The following SLC5A1 variants were observed in gnomAD, a reference collection of about 807,000 sequenced individuals.
SLC5A1 encodes the protein sodium/glucose cotransporter 1.
In SLC5A1, 42 loss-of-function variants were observed where a neutral mutation model predicts 73.5. The observed-to-expected ratio is 0.57, with a 90% CI of 0.45 to 0.74. The LOEUF (loss-of-function observed/expected upper bound fraction) is 0.74. SLC5A1 is among the 30% of genes least tolerant of loss of function. The pLI is 0.00. For missense variants in SLC5A1, 634 were observed against 855.4 expected (o/e 0.74, Z 3.23); for synonymous variants, 300 against 317.4 (o/e 0.95, Z 0.58).
chr22:32,109,119 A>G (rs1192617093), intron 14 of SLC5A1, among the ~76,000 whole-genome samples: 1 of 152,100 alleles, frequency 6.6e-6, no homozygotes. Context: ...GGCTGCAGTG[A>G]GCTATGATTA....
At chr22:32,102,276 T>C in intron 13 of SLC5A1, 39 bp downstream of exon 13, 1 of 1,446,446 alleles carries the variant, frequency 6.9e-7, no homozygotes, top group Non-Finnish European at 9.7e-7. Context: ...TGTTTCATGT[T>C]CACACTGCAA....
chr22:32,100,487 T>A (rs1453306053), intron 12 of SLC5A1, among the ~76,000 whole-genome samples: 1 of 152,232 alleles, frequency 6.6e-6, no homozygotes, highest in Non-Finnish European at 1.5e-5. Flanking sequence ...TAGCTTATAA[T>A]CTTTATTGTT....
rs1243518147 is a variant in SLC5A1 at position 32,110,486 on chromosome 22, A to G, written c.*273A>G. 4.0e-6 allele frequency: 2 copies of G among 505,688 alleles called. No homozygotes were observed. The highest frequency in any genetic ancestry group is 7.2e-6 in the Non-Finnish European group (2 of 277,116). The allele number at this position is 505,688 out of a possible 1,614,324, so 31.3% of individuals were successfully genotyped here. On this transcript the variant is annotated 3_prime_UTR_variant, in exon 15 of 15. Transcript: ENST00000266088. Reference sequence around the variant, plus strand: ...TCCAGAAAAAGGCAGACTAAGAATCAGAAGCCATGTGATTGATGTCTGACG... The same window carrying G: ...TCCAGAAAAAGGCAGACTAAGAATCGGAAGCCATGTGATTGATGTCTGACG...
chr22:32,073,883 A>C lies in SLC5A1; in HGVS notation c.477+5283A>C, dbSNP rs555378304. 5.3e-5 allele frequency among the ~76,000 whole-genome samples: 8 copies of C among 152,270 alleles called. No individual in the cohort carries two copies. In the South Asian group the frequency reaches 1.7e-3, roughly 32 times the overall value. The stretch of plus-strand genomic sequence containing the variant: ...CCCCGGGTTGGTTTTTAGTTATAAG[A>C]TGAAAGGCCTGGGCTTTCCCATTTT... On this transcript the variant is annotated intron_variant, in intron 5 of 14. Transcript: ENST00000266088.
chr22:32,099,302 T>C lies in SLC5A1; in HGVS notation c.1400T>C (p.Ile467Thr), dbSNP rs199872460. The C allele has an allele frequency of 1.2e-5, 19 of 1,613,344 alleles. No homozygotes were observed. The highest frequency in any genetic ancestry group is 9.9e-5 in the South Asian group (9 of 91,072). The change falls in exon 12 of 15, where the codon ATT becomes ACT. Residue 467 changes from isoleucine to threonine, a missense_variant. Physicochemically the swap from Ile to Thr is moderately conservative, Grantham distance 89. Around this residue, in one of 3 missense-constraint regions of SLC5A1, gnomAD observed 422 missense variants for 626.1 expected, o/e 0.67. Transcript: ENST00000266088. ...QSITSYLGPP[I>T]AAVFLLAIFW... is the part of the protein sequence containing the mutation. ...ATCACCAGTTACTTGGGACCACCCA[T>C]TGCGGCTGTCTTCCTGCTTGCTATT...
intron 5 of SLC5A1, among the ~76,000 whole-genome samples, chr22:32,075,208 G>A (rs1255739830): frequency 6.6e-6 from 1 of 151,514 alleles, no homozygotes; most frequent in African/African-American, 2.4e-5. Context: ...CACCACATCT[G>A]GCTGGGATTT....
chr22:32,104,466 C>T (rs1252018802), intron 13 of SLC5A1, among the ~76,000 whole-genome samples: 1 of 152,164 alleles, frequency 6.6e-6, no homozygotes, highest in African/African-American at 2.4e-5. Flanking sequence ...CTTCCTACTG[C>T]CAGTGCTAAA....
At position 32,043,705 on chromosome 22, in the gene SLC5A1, G is replaced by T. The variant is rs1569297079; in HGVS notation, c.135+289G>T. 2.0e-5 allele frequency among the ~76,000 whole-genome samples: 3 copies of T among 152,184 alleles called. No homozygotes were observed. Among genetic ancestry groups the T allele is most frequent in the African/African-American group, 7.2e-5 (3 of 41,442 alleles). On this transcript the variant is annotated intron_variant, in intron 1 of 14. Transcript: ENST00000266088. The surrounding 1 kb of genome is among the most constrained non-coding windows in gnomAD (Gnocchi z 6.5). Reference sequence around the variant, plus strand: ...GGGTTTGAAGAGACCGCTGGAAAGTGTAAGGGGCAGGAAAGCGGCTGCTTA... The same window carrying T: ...GGGTTTGAAGAGACCGCTGGAAAGTTTAAGGGGCAGGAAAGCGGCTGCTTA...
chr22:32,081,950 A>C lies in SLC5A1; in HGVS notation c.562A>C (p.Thr188Pro). 1 of 1,611,234 alleles carries C rather than the reference A, an allele frequency of 6.2e-7. No homozygotes were observed. Among genetic ancestry groups the C allele is most frequent in the Non-Finnish European group, 8.5e-7 (1 of 1,177,448 alleles). Reference protein sequence around the residue: ...YLAIFLLLAITALYTITGGLA... With the variant: ...YLAIFLLLAIPALYTITGGLA... ...AGCCATCTTTCTCTTATTGGCAATCACTGCCCTTTACACAATTACAGGTGA... is the reference window on the plus strand; with the variant it reads ...AGCCATCTTTCTCTTATTGGCAATCCCTGCCCTTTACACAATTACAGGTGA... Residue 188 changes from threonine to proline, a missense_variant, in exon 6 of 15, where the codon ACT (threonine) becomes CCT (proline). Thr to Pro is a conservative substitution (Grantham distance 38). Around this residue, in one of 3 missense-constraint regions of SLC5A1, gnomAD observed 422 missense variants for 626.1 expected, o/e 0.67. Transcript: ENST00000266088.
intron 1 of SLC5A1, among the ~76,000 whole-genome samples, chr22:32,046,789 A>G (rs135023): frequency 0.49 from 75,221 of 152,062 alleles, 21,797 homozygotes; most frequent in East Asian, 0.85. Flanking sequence ...CCAAACCAAA[A>G]CATTGTGGGT....
intron 11 of SLC5A1, among the ~76,000 whole-genome samples, chr22:32,094,012 G>GTC (rs143416374): frequency 1 from 152,327 of 152,328 alleles, 76,163 homozygotes; most frequent in Middle Eastern, 1. Flanking sequence ...ATTAAGGTAT[G>GTC]CTTTTATGCC....
At chr22:32,053,811 CA>C (rs1338300476) in intron 2 of SLC5A1, among the ~76,000 whole-genome samples, 1 of 152,166 alleles carries the variant, frequency 6.6e-6, no homozygotes, top group Non-Finnish European at 1.5e-5. Flanking sequence ...TTAGTTAATA[CA>C]TGTAAATCTC....
In SLC5A1 at chr22:32,084,624, TC is replaced by T; in HGVS notation, c.852del (p.Ile285SerfsTer26). 2 of 1,614,200 alleles carry T rather than the reference TC, an allele frequency of 1.2e-6. No homozygotes were observed. Among genetic ancestry groups the T allele is most frequent in the Non-Finnish European group, 1.7e-6 (2 of 1,180,030 alleles). On this transcript the variant is annotated frameshift_variant, in exon 8 of 15. Coordinates refer to ENST00000266088, the MANE Select transcript of SLC5A1 (RefSeq NM_000343.4). LOFTEE classifies it high-confidence loss of function. ...LPWPGFIFGM[S>X]ILTLWYWCTD... ...ATGGCCTGGGTTCATCTTTGGGATG[TC>T]CATCCTTACCTTGTGGTACTGGTGC... is the stretch of plus-strand genomic sequence containing the variant.
At chr22:32,045,395 TC>T (rs1427890299) in intron 1 of SLC5A1, among the ~76,000 whole-genome samples, 1 of 152,218 alleles carries the variant, frequency 6.6e-6, no homozygotes, top group Non-Finnish European at 1.5e-5. Flanking sequence ...TGTTTAATCT[TC>T]CCCCATTAGA....
At chr22:32,076,306 A>T (rs2093990839) in intron 5 of SLC5A1, among the ~76,000 whole-genome samples, 1 of 152,212 alleles carries the variant, frequency 6.6e-6, no homozygotes, top group Non-Finnish European at 1.5e-5. Context: ...TTGTCCTTCC[A>T]TGAGCTCCTG....
Position 32,111,175 on chromosome 22 carries a change from C to T in SLC5A1, c.*962C>T, listed in dbSNP as rs1419637599. 3.9e-5 allele frequency: 6 copies of T among 152,014 alleles called. No homozygotes were observed. The highest frequency in any genetic ancestry group is 1.2e-4 in the African/African-American group (5 of 41,402). The allele number at this position is 152,014 out of a possible 1,614,324, so 9.4% of individuals were successfully genotyped here. On this transcript the variant is annotated 3_prime_UTR_variant, in exon 15 of 15. Coordinates refer to ENST00000266088, the MANE Select transcript of SLC5A1 (RefSeq NM_000343.4). ...GATGCCATAACAAAGTAGCACAGAC[C>T]AGATGGCTCAAGCAGCAGACATTTA...
At chr22:32,055,211 G>C (rs2093950021) in intron 2 of SLC5A1, among the ~76,000 whole-genome samples, 1 of 152,182 alleles carries the variant, frequency 6.6e-6, no homozygotes, top group Admixed American at 6.5e-5. Context: ...TGAAGGTAAT[G>C]AGTGAAAGAG....
chr22:32,068,459 CTG>C, intron 4 of SLC5A1, 35 bp from the exon 5 acceptor site: 1 of 1,291,000 alleles, frequency 7.7e-7, no homozygotes, highest in South Asian at 1.2e-5. Flanking sequence ...CCTCTGGTCA[CTG>C]TGGCTGGCAG....
At chr22:32,071,005 A>ACTAGCAGGTGAC in intron 5 of SLC5A1, among the ~76,000 whole-genome samples, 1 of 152,330 alleles carries the variant, frequency 6.6e-6, no homozygotes, top group Non-Finnish European at 1.5e-5. Flanking sequence ...TCCCCTGCCC[A>ACTAGCAGGTGAC]CTAGCAGGTG....
Sources: allele counts gnomAD v4.1 joint callset (sites outside exome capture counted in the v4.1 genomes callset), GRCh38; gene constraint gnomAD v4.1.1; regional missense constraint gnomAD v4.1.1; non-coding constraint Gnocchi (gnomAD v3.1); transcripts MANE v1.5; gene names NCBI Gene and HGNC (gene_info 2026-07-23, HGNC 2026-07-21).